RBFOX1: variants seen among roughly 807,000 people sequenced by gnomAD.
The protein encoded by RBFOX1 is RNA binding fox-1 homolog 1.
Under a neutral mutation model 57.7 loss-of-function variants are expected in RBFOX1, and 8 were observed. That is an observed-to-expected ratio of 0.14 (90% CI 0.08 to 0.25). The LOEUF (loss-of-function observed/expected upper bound fraction) is 0.25, where lower values mean the gene tolerates loss of function less well. RBFOX1 is among the 10% of genes least tolerant of loss of function. The pLI, the probability that RBFOX1 is intolerant of heterozygous loss-of-function variation, is 1.00. For missense variants in RBFOX1, 611 were observed against 548.5 expected (o/e 1.11, Z -1.14); for synonymous variants, 326 against 222.4 (o/e 1.47, Z -4.15).
chr16:6,431,390 G>A (rs775097419), intron 2 of RBFOX1, among the ~76,000 whole-genome samples: 9 of 152,010 alleles, frequency 5.9e-5, no homozygotes, highest in Admixed American at 3.3e-4. Context: ...CCCTGGAAGA[G>A]GGAGGGAAAA....
At chr16:6,874,370 C>G (rs563740455) in intron 3 of RBFOX1, among the ~76,000 whole-genome samples, 30 of 152,020 alleles carry the variant, frequency 2.0e-4, no homozygotes, top group Non-Finnish European at 3.2e-4. Context: ...ATTAGCCAGG[C>G]ATATTGGCAG....
At chr16:6,760,195 T>A (rs1031677585) in intron 3 of RBFOX1, among the ~76,000 whole-genome samples, 39 of 152,238 alleles carry the variant, frequency 2.6e-4, no homozygotes, top group Non-Finnish European at 4.9e-4. Flanking sequence ...CTTGGATATT[T>A]ATTCTCTAAA....
In RBFOX1 at chr16:6,572,175, C is replaced by T. The variant is rs144687017; in HGVS notation, c.-63-82428C>T. Among the ~76,000 whole-genome samples, 455 of 152,166 alleles carry T rather than the reference C, an allele frequency of 3.0e-3. 1 individual carries two copies. Among genetic ancestry groups the T allele is most frequent in the Non-Finnish European group, 4.1e-3 (279 of 68,022 alleles). On this transcript the variant is annotated intron_variant, in intron 2 of 15. Coordinates refer to ENST00000550418, the MANE Select transcript of RBFOX1 (RefSeq NM_018723.4). ...TTTAAAACGTTACTTGATATCCCGT[C>T]GTGGAAGTATAATATTTATTTAAAT...
chr16:7,126,894 A>G (rs2068706036), intron 4 of RBFOX1, among the ~76,000 whole-genome samples: 1 of 151,848 alleles, frequency 6.6e-6, no homozygotes, highest in African/African-American at 2.4e-5. Flanking sequence ...CTGTAATCCC[A>G]GCTACTTGGG....
At chr16:7,085,048 A>G (rs1399913374) in intron 4 of RBFOX1, among the ~76,000 whole-genome samples, 7 of 152,196 alleles carry the variant, frequency 4.6e-5, no homozygotes, top group African/African-American at 1.7e-4. Flanking sequence ...TACTGAAGAT[A>G]AAGTAGGTAT....
chr16:5,555,433 T>C (rs879668577), intron 2 of RBFOX1, among the ~76,000 whole-genome samples: 17 of 151,614 alleles, frequency 1.1e-4, no homozygotes, highest in Non-Finnish European at 2.2e-4. Context: ...GTATTTTTAG[T>C]ACAGACGCGG....
chr16:5,600,226 G>C (rs929712717), downstream of RBFOX1: 2 of 151,832 alleles, frequency 1.3e-5, no homozygotes, highest in Admixed American at 6.6e-5. Flanking sequence ...GCATGAACCT[G>C]GGAGGCAGAG....
intron 4 of RBFOX1, among the ~76,000 whole-genome samples, chr16:7,156,158 C>G (rs1221984349): frequency 2.0e-5 from 3 of 151,998 alleles, no homozygotes; most frequent in African/African-American, 7.3e-5. Context: ...AGTGTGACCA[C>G]TGTGCCTGGC....
intron 4 of RBFOX1, among the ~76,000 whole-genome samples, chr16:5,999,019 A>T (rs980595960): frequency 6.6e-6 from 1 of 152,188 alleles, no homozygotes; most frequent in Non-Finnish European, 1.5e-5. Context: ...ATCCTGAATC[A>T]TCTGAACACT....
At chr16:6,801,790 A>C (rs970601126) in intron 3 of RBFOX1, among the ~76,000 whole-genome samples, 2 of 152,268 alleles carry the variant, frequency 1.3e-5, no homozygotes, top group East Asian at 3.9e-4. Context: ...GACCGACTCA[A>C]AATTACAAAG....
chr16:6,301,414 C>G (rs1272725381), intron 1 of RBFOX1, among the ~76,000 whole-genome samples: 4 of 152,008 alleles, frequency 2.6e-5, no homozygotes, highest in African/African-American at 2.4e-5. Context: ...CGATGCAGGT[C>G]TCATTGAAAT....
rs540935729 is a variant in RBFOX1, at chr16:5,553,707, ATG to A, written c.259-45189_259-45188del. Among the ~76,000 whole-genome samples the A allele has an allele frequency of 2.9e-3, 437 of 150,080 alleles. 1 individual carries two copies. The highest frequency in any genetic ancestry group is 1.0e-2 in the African/African-American group (401 of 40,186). ...TATATACACATATATATGTATATATATGTGTGTATATACACATATATATGTAT... is the reference window on the plus strand; with the variant it reads ...TATATACACATATATATGTATATATATGTGTATATACACATATATATGTAT... On this transcript the variant is annotated intron_variant, in intron 2 of 2. Coordinates refer to the RBFOX1 transcript ENST00000585867.
chr16:6,559,206 C>T (rs1215792785), intron 2 of RBFOX1, among the ~76,000 whole-genome samples: 2 of 151,862 alleles, frequency 1.3e-5, no homozygotes, highest in Non-Finnish European at 2.9e-5. Flanking sequence ...CTCACATAGT[C>T]ACATGTCATG....
intron 1 of RBFOX1, among the ~76,000 whole-genome samples, chr16:5,359,609 T>C (rs1567384408): frequency 6.6e-6 from 1 of 152,258 alleles, no homozygotes; most frequent in Non-Finnish European, 1.5e-5. Flanking sequence ...TTTTTAGGTC[T>C]GCTTTTGAGA....
intron 3 of RBFOX1, among the ~76,000 whole-genome samples, chr16:6,973,808 G>A (rs2086142966): frequency 6.6e-6 from 1 of 152,088 alleles, no homozygotes. Context: ...CAGGGTACAT[G>A]TGCAGGATGT....
intron 3 of RBFOX1, among the ~76,000 whole-genome samples, chr16:6,665,580 G>T (rs995682284): frequency 6.6e-6 from 1 of 150,498 alleles, no homozygotes; most frequent in African/African-American, 2.5e-5. Flanking sequence ...AGCTGAGATT[G>T]TGCCATCACA....
At chr16:7,205,301 T>C (rs1317880853) in intron 4 of RBFOX1, among the ~76,000 whole-genome samples, 3 of 152,046 alleles carry the variant, frequency 2.0e-5, no homozygotes, top group East Asian at 1.9e-4. Context: ...GCAGATCACT[T>C]GATGTCAGGA....
intron 3 of RBFOX1, among the ~76,000 whole-genome samples, chr16:6,997,536 CCA>C (rs1328207686): frequency 6.6e-6 from 1 of 152,048 alleles, no homozygotes; most frequent in Admixed American, 6.6e-5. Context: ...TTCCAATTTC[CCA>C]CAGAGTTTAA....
At chr16:5,743,904 A>T (rs1268789693) in intron 3 of RBFOX1, among the ~76,000 whole-genome samples, 1 of 152,158 alleles carries the variant, frequency 6.6e-6, no homozygotes, top group Non-Finnish European at 1.5e-5. Context: ...TGTCATACGG[A>T]AGGTCTCAAG....
Sources: gnomAD v4.1 joint callset for allele counts (sites outside exome capture counted in the v4.1 genomes callset) on GRCh38, gnomAD v4.1.1 for gene constraint, MANE v1.5 for transcripts, NCBI Gene and HGNC (gene_info 2026-07-23, HGNC 2026-07-21) for gene names.